PDE8A: variants seen among roughly 807,000 people sequenced by gnomAD.
PDE8A encodes the protein high affinity cAMP-specific and IBMX-insensitive 3',5'-cyclic phosphodiesterase 8A.
In PDE8A, 59 loss-of-function variants were observed where a neutral mutation model predicts 105.0. The ratio of observed to expected loss-of-function variants is 0.56; its 90% CI spans 0.46 to 0.70. PDE8A has a LOEUF of 0.70. Among genes scored for constraint, PDE8A ranks in the 30% least tolerant of loss-of-function variants. PDE8A has a pLI of 0.00. For synonymous variants in PDE8A, 355 were observed against 371.9 expected (o/e 0.95, Z 0.52); for missense variants, 1,014 against 1,045.9 (o/e 0.97, Z 0.42).
chr15:85,010,307 A>T (rs147939176), intron 1 of PDE8A, among the ~76,000 whole-genome samples: 29 of 152,376 alleles, frequency 1.9e-4, no homozygotes, highest in African/African-American at 7.0e-4. Flanking sequence ...AGTGTTTATT[A>T]TACTTGAGCC....
intron 1 of PDE8A, among the ~76,000 whole-genome samples, chr15:85,001,899 T>G (rs1331852424): frequency 6.6e-6 from 1 of 152,206 alleles, no homozygotes; most frequent in Non-Finnish European, 1.5e-5. Context: ...AAGTACTTTG[T>G]GCATGAACTA....
chr15:85,099,720 G>A, intron 9 of PDE8A: 1 of 383,570 alleles, frequency 2.6e-6, no homozygotes, highest in Non-Finnish European at 4.6e-6. Context: ...AGGAACTAAA[G>A]GCTCTCAGTT....
At chr15:85,053,253 G>A (rs146794815) in intron 1 of PDE8A, among the ~76,000 whole-genome samples, 499 of 152,282 alleles carry the variant, frequency 3.3e-3, no homozygotes, top group African/African-American at 0.011. Flanking sequence ...GTCAGGTAGC[G>A]TGATGCCTCC....
Position 85,125,000 on chromosome 15 carries a change from AAG to A in PDE8A, c.2086-1203_2086-1202del, listed in dbSNP as rs1181437018. Reference sequence around the variant, plus strand: ...GTCAGAGCAGGAGAAAGGAAGATGAAAGAGAATAGTTTCCAGGCTGGCAGTAT... The same window carrying A: ...GTCAGAGCAGGAGAAAGGAAGATGAAAGAATAGTTTCCAGGCTGGCAGTAT... On this transcript the variant is annotated intron_variant, in intron 19 of 21. Coordinates refer to ENST00000394553, the MANE Select transcript of PDE8A (RefSeq NM_002605.3). 3.3e-5 allele frequency among the ~76,000 whole-genome samples: 5 copies of A among 152,340 alleles called. No individual in the cohort carries two copies. The East Asian group carries it at 9.6e-4, about 29-fold the overall frequency.
At chr15:85,073,999 T>C (rs1327720135) in intron 3 of PDE8A, among the ~76,000 whole-genome samples, 2 of 152,178 alleles carry the variant, frequency 1.3e-5, no homozygotes, top group Admixed American at 1.3e-4. Flanking sequence ...CACCCTTAGG[T>C]TGGCTCCCTC....
intron 8 of PDE8A, among the ~76,000 whole-genome samples, chr15:85,092,326 TTG>T (rs910928350): frequency 1.5e-4 from 18 of 122,888 alleles, no homozygotes; most frequent in Non-Finnish European, 2.5e-4. Context: ...TTTTTTGTTG[TTG>T]TTTTTTTTTG....
At chr15:85,026,877 T>A (rs142273054) in intron 1 of PDE8A, among the ~76,000 whole-genome samples, 40 of 152,324 alleles carry the variant, frequency 2.6e-4, no homozygotes, top group Admixed American at 8.5e-4. Context: ...AAACTTGTGT[T>A]TCAGTTATGT....
intron 1 of PDE8A, among the ~76,000 whole-genome samples, chr15:85,002,482 C>T (rs533066410): frequency 1.3e-5 from 2 of 152,356 alleles, no homozygotes; most frequent in African/African-American, 4.8e-5. Context: ...TGGATGTGTT[C>T]TTGTTCACCA....
intron 8 of PDE8A, among the ~76,000 whole-genome samples, chr15:85,094,884 A>G (rs923613188): frequency 1.3e-5 from 2 of 152,040 alleles, no homozygotes; most frequent in African/African-American, 4.8e-5. Context: ...CTGAGTCATC[A>G]TTTTGTCATG....
intron 12 of PDE8A, among the ~76,000 whole-genome samples, chr15:85,110,126 A>C (rs1475914176): frequency 1.3e-5 from 2 of 152,204 alleles, no homozygotes; most frequent in East Asian, 3.9e-4. Flanking sequence ...GTAGGGACTC[A>C]GTTAGTGTTA....
At chr15:85,124,634 A>G (rs1404804359) in intron 19 of PDE8A, among the ~76,000 whole-genome samples, 1 of 152,136 alleles carries the variant, frequency 6.6e-6, no homozygotes, top group African/African-American at 2.4e-5. Context: ...GTTTAACCTG[A>G]TGTTGAGAAC....
In PDE8A at chr15:85,137,766, A is replaced by G. The variant is rs917915351; in HGVS notation, c.2384-31A>G. On this transcript the variant is annotated intron_variant, in intron 21 of 21. Coordinates refer to ENST00000394553, the MANE Select transcript of PDE8A (RefSeq NM_002605.3). ...CCTAAAATGTAAACAGAGGCTGTGA[A>G]AGCATATCACATTCCTATCTTTCTC... 6 of 1,317,086 alleles carry G rather than the reference A, an allele frequency of 4.6e-6. No homozygotes were observed. The Admixed American group carries it at 6.7e-5, about 15-fold the overall frequency. The allele number at this position is 1,317,086 out of a possible 1,614,324, so 81.6% of individuals were successfully genotyped here.
intron 1 of PDE8A, among the ~76,000 whole-genome samples, chr15:85,019,943 GTTTTTTTTTTTTTT>G (rs201634002): frequency 1.9e-4 from 12 of 64,766 alleles, no homozygotes; most frequent in South Asian, 7.5e-4. Context: ...TTTTTTTTTG[GTTTTTTTTTTTTTT>G]TTTTTTTTTT....
At chr15:85,130,892 T>C (rs1049885670) in intron 20 of PDE8A, among the ~76,000 whole-genome samples, 3 of 152,214 alleles carry the variant, frequency 2.0e-5, no homozygotes, top group Non-Finnish European at 4.4e-5. Context: ...CCTGAGTAGC[T>C]GGGATTATAG....
intron 7 of PDE8A, among the ~76,000 whole-genome samples, chr15:85,089,988 A>G (rs1168201610): frequency 1.3e-5 from 2 of 152,240 alleles, no homozygotes; most frequent in Non-Finnish European, 2.9e-5. Flanking sequence ...AGAAAAAGAC[A>G]TTCATTTTGT....
intron 11 of PDE8A, among the ~76,000 whole-genome samples, chr15:85,107,784 G>C (rs2081967880): frequency 6.6e-6 from 1 of 152,304 alleles, no homozygotes; most frequent in Non-Finnish European, 1.5e-5. Flanking sequence ...TGGAGCTCAG[G>C]AGAGAGGCCT....
At chr15:85,131,963 CTTA>C (rs201865060) in intron 20 of PDE8A, among the ~76,000 whole-genome samples, 2,548 of 152,286 alleles carry the variant, frequency 0.017, 55 homozygotes, top group African/African-American at 0.048. Context: ...AGCAGATCAT[CTTA>C]TTATCTCCTA....
chr15:85,015,526 A>G (rs865942956), intron 1 of PDE8A, among the ~76,000 whole-genome samples: 5 of 152,104 alleles, frequency 3.3e-5, no homozygotes, highest in African/African-American at 4.8e-5. Context: ...GTGTTGTTCA[A>G]TTTCCCTCTA....
intron 1 of PDE8A, among the ~76,000 whole-genome samples, chr15:85,049,954 G>A (rs1402564777): frequency 1.3e-5 from 2 of 152,068 alleles, no homozygotes; most frequent in Non-Finnish European, 2.9e-5. Flanking sequence ...CCATCAACAG[G>A]GCACAGAGGT....
Sources: gnomAD v4.1 joint callset for allele counts (sites outside exome capture counted in the v4.1 genomes callset) on GRCh38, gnomAD v4.1.1 for gene constraint, MANE v1.5 for transcripts, NCBI Gene and HGNC (gene_info 2026-07-23, HGNC 2026-07-21) for gene names.